Variants in CYP19A1 observed in about 807,000 individuals in gnomAD.
CYP19A1 encodes aromatase.
In CYP19A1, 32 loss-of-function variants were observed where a neutral mutation model predicts 44.4. That is an observed-to-expected ratio of 0.72 (90% CI 0.54 to 0.97). The LOEUF (loss-of-function observed/expected upper bound fraction) is 0.97, where lower values mean the gene tolerates loss of function less well. Ranked by LOEUF, CYP19A1 falls within the 50% of genes least tolerant of loss-of-function variation. CYP19A1 has a pLI of 0.00. For synonymous variants in CYP19A1, 212 were observed against 215.6 expected, an observed-to-expected ratio of 0.98 and a Z score of 0.14; for missense variants, 598 against 637.8, an observed-to-expected ratio of 0.94 and a Z score of 0.67.
intron 1 of CYP19A1, among the ~76,000 whole-genome samples, chr15:51,276,444 T>C (rs913050280): frequency 1.3e-5 from 2 of 152,242 alleles, no homozygotes; most frequent in African/African-American, 2.4e-5. Context: ...AATGTTACCA[T>C]ACCTTTGCTT....
chr15:51,233,498 T>A (rs751408253), intron 3 of CYP19A1, among the ~76,000 whole-genome samples: 1 of 152,220 alleles, frequency 6.6e-6, no homozygotes, highest in Non-Finnish European at 1.5e-5. Flanking sequence ...TTTCAAGAAA[T>A]ATTTAATGGA....
chr15:51,323,015 C>A (rs1345226972), intron 1 of CYP19A1, among the ~76,000 whole-genome samples: 1 of 152,224 alleles, frequency 6.6e-6, no homozygotes, highest in Non-Finnish European at 1.5e-5. Flanking sequence ...TCTTCTGCAC[C>A]AAATGAATGC....
In CYP19A1 at chr15:51,224,496, TA is replaced by T. The variant is rs200318789; in HGVS notation, c.452-1972del. Among the ~76,000 whole-genome samples the T allele has an allele frequency of 6.8e-3, 1,038 of 151,666 alleles. 14 individuals carry two copies. The highest frequency in any genetic ancestry group is 0.021 in the African/African-American group (861 of 41,344). ...CTGATCTTGCCTATAGAAGGCTGTC[TA>T]AAAAAAAATCACAAAGATGTTTTGC... On this transcript the variant is annotated intron_variant, in intron 4 of 9. Coordinates refer to ENST00000396402, the MANE Select transcript of CYP19A1 (RefSeq NM_000103.4).
intron 5 of CYP19A1, among the ~76,000 whole-genome samples, chr15:51,220,547 G>A (rs1311210189): frequency 3.3e-5 from 5 of 152,252 alleles, no homozygotes; most frequent in Admixed American, 3.3e-4. Flanking sequence ...GTCACATTGA[G>A]TTGTACATAC....
intron 1 of CYP19A1, among the ~76,000 whole-genome samples, chr15:51,279,685 C>T (rs2035447995): frequency 6.6e-6 from 1 of 152,052 alleles, no homozygotes; most frequent in Non-Finnish European, 1.5e-5. Context: ...CTCTTTGTGG[C>T]TTATATTTTG....
intron 3 of CYP19A1, among the ~76,000 whole-genome samples, chr15:51,231,818 C>T (rs2033059269): frequency 6.6e-6 from 1 of 151,936 alleles, no homozygotes; most frequent in Admixed American, 6.6e-5. Flanking sequence ...TCCAATTTTC[C>T]CAAGAAAGTG....
intron 1 of CYP19A1, among the ~76,000 whole-genome samples, chr15:51,266,378 C>T (rs2034918550): frequency 6.6e-6 from 1 of 152,222 alleles, no homozygotes; most frequent in East Asian, 1.9e-4. Flanking sequence ...GTCTCTCATT[C>T]CAACCAGTGC....
chr15:51,298,781 C>T (rs996873041), intron 1 of CYP19A1, among the ~76,000 whole-genome samples: 1 of 152,232 alleles, frequency 6.6e-6, no homozygotes, highest in Non-Finnish European at 1.5e-5. Flanking sequence ...TGCTGATCAT[C>T]ATCCCACATT....
At chr15:51,271,358 T>A (rs561398856) in intron 1 of CYP19A1, among the ~76,000 whole-genome samples, 2 of 152,302 alleles carry the variant, frequency 1.3e-5, no homozygotes, top group Admixed American at 1.3e-4. Context: ...TAAAAAATTA[T>A]AACACCTTGA....
chr15:51,282,082 G>GA (rs2035537612), intron 1 of CYP19A1, among the ~76,000 whole-genome samples: 1 of 152,082 alleles, frequency 6.6e-6, no homozygotes, highest in Non-Finnish European at 1.5e-5. Flanking sequence ...AGTCCACAGG[G>GA]ACCTCTGGAA....
intron 1 of CYP19A1, chr15:51,315,864 G>C (rs2036416663): frequency 6.6e-6 from 1 of 152,244 alleles, no homozygotes; most frequent in East Asian, 1.9e-4. Flanking sequence ...CTACGTGCTG[G>C]CAAGAATGTG....
At chr15:51,295,260 T>G (rs1303721731) in intron 1 of CYP19A1, among the ~76,000 whole-genome samples, 2 of 151,920 alleles carry the variant, frequency 1.3e-5, no homozygotes, top group African/African-American at 4.8e-5. Context: ...TTGTTGACAA[T>G]GCCAGGGTGA....
chr15:51,260,366 A>G (rs755242180), intron 1 of CYP19A1, among the ~76,000 whole-genome samples: 29 of 152,234 alleles, frequency 1.9e-4, no homozygotes, highest in East Asian at 3.8e-4. Context: ...TCTGAGGTAA[A>G]CCATGCTATC....
chr15:51,295,134 G>A (rs556944886), intron 1 of CYP19A1, among the ~76,000 whole-genome samples: 2 of 126,526 alleles, frequency 1.6e-5, no homozygotes, highest in South Asian at 2.6e-4. Context: ...AATTAACAAC[G>A]TGTTTTTTTT....
intron 1 of CYP19A1, among the ~76,000 whole-genome samples, chr15:51,271,130 A>T (rs2035111761): frequency 6.6e-6 from 1 of 151,456 alleles, no homozygotes; most frequent in South Asian, 2.1e-4. Flanking sequence ...CTCTTCTCAC[A>T]TCTCTGTTCA....
In CYP19A1 at chr15:51,236,864, G is replaced by C. The variant is rs1188884664; in HGVS notation, c.291C>G (p.Ile97Met). The change falls in exon 3 of 10, where the codon ATC (isoleucine) becomes ATG (methionine). Residue 97 changes from isoleucine (I) to methionine (M), a missense_variant. Coordinates refer to ENST00000396402, the MANE Select transcript of CYP19A1 (RefSeq NM_000103.4). ...VWISGEETLI[I>M]SKSSSMFHIM... ...TCGATTATGAACAGACTCACTTGCTGATAATGAGTGTTTCCTCTCCAGAGA... is the reference window on the plus strand; with the variant it reads ...TCGATTATGAACAGACTCACTTGCTCATAATGAGTGTTTCCTCTCCAGAGA... 2.5e-6 allele frequency: 4 copies of C among 1,614,184 alleles called. No individual in the cohort carries two copies. The South Asian group carries it at 4.4e-5, about 18-fold the overall frequency.
At chr15:51,329,705 A>T (rs563589268) in intron 1 of CYP19A1, among the ~76,000 whole-genome samples, 1 of 152,222 alleles carries the variant, frequency 6.6e-6, no homozygotes, top group African/African-American at 2.4e-5. Context: ...GATCTCAGAA[A>T]GAAATTGTAA....
chr15:51,274,460 T>C (rs1430746179), intron 1 of CYP19A1, among the ~76,000 whole-genome samples: 1 of 152,200 alleles, frequency 6.6e-6, no homozygotes, highest in Non-Finnish European at 1.5e-5. Context: ...CCTCTGAGGA[T>C]GAACTGAAGT....
intron 1 of CYP19A1, among the ~76,000 whole-genome samples, chr15:51,272,083 C>T (rs1289038842): frequency 6.6e-6 from 1 of 152,244 alleles, no homozygotes; most frequent in African/African-American, 2.4e-5. Flanking sequence ...CACTTTTGCA[C>T]AACCCAGCAC....
Sources: allele counts gnomAD v4.1 joint callset (sites outside exome capture counted in the v4.1 genomes callset), GRCh38; gene constraint gnomAD v4.1.1; transcripts MANE v1.5; gene names NCBI Gene and HGNC (gene_info 2026-07-23, HGNC 2026-07-21).